Variants in ZNF69 observed in about 807,000 individuals in gnomAD.
The protein encoded by ZNF69 is zinc finger protein 69.
Under a neutral mutation model 50.9 loss-of-function variants are expected in ZNF69, and 47 were observed. The ratio of observed to expected loss-of-function variants is 0.92; its 90% CI spans 0.73 to 1.18. The LOEUF (loss-of-function observed/expected upper bound fraction) is 1.18. Ranked by LOEUF, ZNF69 falls within the 50% of genes most tolerant of loss-of-function variation. The pLI is 0.00. For missense variants in ZNF69, 717 were observed against 675.1 expected, an observed-to-expected ratio of 1.06 and a Z score of -0.69; for synonymous variants, 216 against 223.1, an observed-to-expected ratio of 0.97 and a Z score of 0.29.
the ZNF69 span, among the ~76,000 whole-genome samples, chr19:11,934,879 T>A: frequency 6.8e-6 from 1 of 147,684 alleles, no homozygotes; most frequent in African/African-American, 2.7e-5. Context: ...TGTCATATGT[T>A]TGCCATAATT....
At chr19:11,948,397 T>C in the ZNF69 span, 2 of 1,614,004 alleles carry the variant, frequency 1.2e-6, no homozygotes, top group Non-Finnish European at 1.7e-6. Flanking sequence ...TGAAGTAAAA[T>C]CATGTGACAG....
intron 1 of ZNF69, among the ~76,000 whole-genome samples, chr19:11,890,787 T>C (rs990525199): frequency 1.3e-5 from 2 of 152,144 alleles, no homozygotes; most frequent in African/African-American, 4.8e-5. Flanking sequence ...TTTTAGTTTA[T>C]AGGTTGAAGC....
the ZNF69 span, chr19:11,977,358 G>A: frequency 6.2e-7 from 1 of 1,613,386 alleles, no homozygotes; most frequent in Non-Finnish European, 8.5e-7. Flanking sequence ...ACTTTTCTGT[G>A]TCTGTATTTT....
At chr19:11,979,612 T>C in the ZNF69 span, 1 of 1,605,858 alleles carries the variant, frequency 6.2e-7, no homozygotes, top group Non-Finnish European at 8.5e-7. Context: ...GGACTCACAC[T>C]GGAGAGAAAC....
chr19:11,913,497 T>C, exon 5 of ZNF69: 1 of 452,528 alleles, frequency 2.2e-6, no homozygotes. Context: ...CAAGCAACTC[T>C]CCTGCTTCAG....
chr19:11,960,407 T>G, the ZNF69 span, among the ~76,000 whole-genome samples: 2 of 152,072 alleles, frequency 1.3e-5, no homozygotes, highest in Admixed American at 6.6e-5. Context: ...ACTGCAGCAT[T>G]AAGCTCCTAG....
At chr19:11,901,481 C>T (rs954276933) in intron 1 of ZNF69, among the ~76,000 whole-genome samples, 2 of 152,080 alleles carry the variant, frequency 1.3e-5, no homozygotes, top group Non-Finnish European at 2.9e-5. Context: ...TCTATTAGGA[C>T]ATTCTTATGG....
chr19:11,934,269 G>A, the ZNF69 span, among the ~76,000 whole-genome samples: 1 of 148,008 alleles, frequency 6.8e-6, no homozygotes, highest in Admixed American at 6.6e-5. Context: ...GAGGACTTTT[G>A]TGTGGACATC....
In ZNF69 at chr19:11,897,925, A is replaced by C. The variant is rs73506865; in HGVS notation, c.64-5648A>C. On this transcript the variant is annotated intron_variant, in intron 1 of 3. Transcript: ENST00000429654. ...AAAAGAAAAAAATTAGTTTCAATAGAGTGTGCTCTTTTAAAAATTATATTT... is the reference window on the plus strand; with the variant it reads ...AAAAGAAAAAAATTAGTTTCAATAGCGTGTGCTCTTTTAAAAATTATATTT... 8.4e-3 allele frequency among the ~76,000 whole-genome samples: 1,281 copies of C among 151,980 alleles called. 14 individuals are homozygous for C. The highest frequency in any genetic ancestry group is 0.029 in the African/African-American group (1,220 of 41,470).
At chr19:11,894,913 G>T (rs1977187794) in intron 1 of ZNF69, among the ~76,000 whole-genome samples, 1 of 152,166 alleles carries the variant, frequency 6.6e-6, no homozygotes, top group Non-Finnish European at 1.5e-5. Context: ...CACCCCAACG[G>T]GGTGGACCAG....
At chr19:11,973,017 A>G in the ZNF69 span, among the ~76,000 whole-genome samples, 4,691 of 152,306 alleles carry the variant, frequency 0.031, 213 homozygotes, top group African/African-American at 0.1. Context: ...ACACGATGGA[A>G]ATTGAAGAAA....
chr19:11,956,623 A>G, the ZNF69 span: 43 of 398,328 alleles, frequency 1.1e-4, no homozygotes, highest in Non-Finnish European at 1.9e-4. Context: ...TGGGAGGCCA[A>G]GGCAGATGGA....
the ZNF69 span, chr19:11,977,055 G>T: frequency 8.7e-6 from 14 of 1,614,176 alleles, no homozygotes; most frequent in African/African-American, 1.1e-4. Flanking sequence ...TGGCCTGTGA[G>T]GATGTTGCTG....
chr19:11,904,983 G>T lies in ZNF69; in HGVS notation c.586G>T (p.Glu196Ter). The T allele has an allele frequency of 2.5e-6, 4 of 1,613,932 alleles. No homozygotes were observed. The highest frequency in any genetic ancestry group is 3.4e-6 in the Non-Finnish European group (4 of 1,179,946). The change falls in exon 4 of 4, where the codon GAA becomes TAA. Residue 196 changes from glutamate to a stop codon, truncating the protein, a stop_gained. Coordinates refer to ENST00000429654, the MANE Select transcript of ZNF69 (RefSeq NM_001364730.1). LOFTEE classifies it high-confidence loss of function. Reference sequence around the variant, plus strand: ...TGGAGAGAAACCCTATGCTTGTAAAGAATGTGGAAAAACTTTTATTTCCCA... The same window carrying T: ...TGGAGAGAAACCCTATGCTTGTAAATAATGTGGAAAAACTTTTATTTCCCA... ...HTGEKPYACK[E>*]CGKTFISHSS...
At chr19:11,943,316 C>G in the ZNF69 span, among the ~76,000 whole-genome samples, 1 of 152,114 alleles carries the variant, frequency 6.6e-6, no homozygotes, top group Non-Finnish European at 1.5e-5. Flanking sequence ...CCATAGACCC[C>G]TCCTTTAGCT....
In ZNF69 at chr19:11,912,546, C is replaced by T. The variant is rs549541170; in HGVS notation, c.449-863C>T. On this transcript the variant is annotated intron_variant, in intron 4 of 4. Coordinates refer to the ZNF69 transcript ENST00000340180. ...AAACCCTATCAGTGTAAGCAATGTGCGAAAGCCTTTATTTCTTCCACTTCT... is the reference window on the plus strand; with the variant it reads ...AAACCCTATCAGTGTAAGCAATGTGTGAAAGCCTTTATTTCTTCCACTTCT... 7.9e-5 allele frequency among the ~76,000 whole-genome samples: 12 copies of T among 152,046 alleles called. No individual in the cohort carries two copies. In the East Asian group the frequency reaches 9.7e-4, roughly 12 times the overall value.
At chr19:11,907,475 C>G (rs1285682733), downstream of ZNF69, among the ~76,000 whole-genome samples, 4 of 152,210 alleles carry the variant, frequency 2.6e-5, no homozygotes, top group African/African-American at 9.6e-5. Flanking sequence ...CAGCGGATCT[C>G]TTGGCAGAAA....
chr19:11,907,065 A>G (rs1972388040), downstream of ZNF69, among the ~76,000 whole-genome samples: 2 of 152,224 alleles, frequency 1.3e-5, no homozygotes, highest in African/African-American at 4.8e-5. Flanking sequence ...ATCAAGTGGA[A>G]GAAAAGGTAT....
the ZNF69 span, among the ~76,000 whole-genome samples, chr19:11,933,583 C>T: frequency 1.4e-5 from 2 of 147,726 alleles, no homozygotes; most frequent in Non-Finnish European, 1.5e-5. Context: ...GTTCCTGCCT[C>T]GGTTTTGCAT....
Sources: allele counts gnomAD v4.1 joint callset (sites outside exome capture counted in the v4.1 genomes callset), GRCh38; gene constraint gnomAD v4.1.1; transcripts MANE v1.5; gene names NCBI Gene and HGNC (gene_info 2026-07-23, HGNC 2026-07-21).